Variants in ADAM32 observed in about 807,000 individuals in gnomAD.
The protein encoded by ADAM32 is disintegrin and metalloproteinase domain-containing protein 32.
A neutral mutation model predicts 114.9 loss-of-function variants in ADAM32; 89 were observed. That is an observed-to-expected ratio of 0.77 (90% CI 0.65 to 0.92). The LOEUF (loss-of-function observed/expected upper bound fraction) is 0.92. Among genes scored for constraint, ADAM32 ranks in the 40% least tolerant of loss-of-function variants. ADAM32 has a pLI of 0.00. For synonymous variants in ADAM32, 285 were observed against 307.5 expected (o/e 0.93, Z 0.77); for missense variants, 870 against 932.8 (o/e 0.93, Z 0.88).
chr8:39,129,725 A>G (rs1350550004), intron 2 of ADAM32, among the ~76,000 whole-genome samples: 2 of 152,152 alleles, frequency 1.3e-5, no homozygotes, highest in African/African-American at 2.4e-5. Context: ...CTATATTTTG[A>G]AAGAATTGTG....
chr8:39,143,482 T>C (rs1364181825), intron 3 of ADAM32, among the ~76,000 whole-genome samples: 1 of 152,124 alleles, frequency 6.6e-6, no homozygotes, highest in Non-Finnish European at 1.5e-5. Context: ...TGCAGGTCTG[T>C]TGGAGTTTGC....
chr8:39,266,027 T>C (rs1812327507), intron 19 of ADAM32, among the ~76,000 whole-genome samples: 1 of 152,210 alleles, frequency 6.6e-6, no homozygotes, highest in Admixed American at 6.5e-5. Flanking sequence ...CTGCAGAAAA[T>C]TCTGCTGCTA....
At chr8:39,189,951 A>ACTATAGG (rs1806499623) in intron 11 of ADAM32, among the ~76,000 whole-genome samples, 1 of 152,118 alleles carries the variant, frequency 6.6e-6, no homozygotes, top group South Asian at 2.1e-4. Context: ...AGCAGCTGGA[A>ACTATAGG]CTATAGGCGC....
chr8:39,279,680 C>G (rs545425594), intron 22 of ADAM32, among the ~76,000 whole-genome samples: 2 of 152,100 alleles, frequency 1.3e-5, no homozygotes. Context: ...CCAAATCCTC[C>G]GTTTTCTTAA....
At chr8:39,254,603 C>A in intron 18 of ADAM32, 87 bp downstream of exon 18, 1 of 932,892 alleles carries the variant, frequency 1.1e-6, no homozygotes, top group Non-Finnish European at 1.6e-6. Context: ...TTTCCACTTA[C>A]AAGGCAACTG....
At chr8:39,265,083 A>AAGTCTCCCACTGAAAT (rs1245332402) in intron 19 of ADAM32, among the ~76,000 whole-genome samples, 2 of 152,150 alleles carry the variant, frequency 1.3e-5, no homozygotes, top group Non-Finnish European at 2.9e-5. Context: ...GGGGGTGTTG[A>AAGTCTCCCACTGAAAT]AGTCTCCCAC....
At chr8:39,284,660 TA>T in intron 24 of ADAM32, 132 bp from the exon 25 acceptor site, 3 of 944,356 alleles carry the variant, frequency 3.2e-6, no homozygotes, top group Non-Finnish European at 4.8e-6. Context: ...GGCAAAATTG[TA>T]AACATCCTTT....
At chr8:39,256,789 T>A (rs1811672258) in intron 18 of ADAM32, among the ~76,000 whole-genome samples, 1 of 151,976 alleles carries the variant, frequency 6.6e-6, no homozygotes, top group South Asian at 2.1e-4. Flanking sequence ...AAGCCAACAA[T>A]CTACCAAAGA....
At chr8:39,118,489 C>A (rs34494323) in intron 2 of ADAM32, among the ~76,000 whole-genome samples, 37,988 of 151,972 alleles carry the variant, frequency 0.25, 4,763 homozygotes, top group Middle Eastern at 0.31. Context: ...AAGACAATTT[C>A]TTTTAACTAA....
intron 19 of ADAM32, among the ~76,000 whole-genome samples, chr8:39,266,946 T>A (rs12682638): frequency 6.6e-6 from 1 of 152,092 alleles, no homozygotes; most frequent in Non-Finnish European, 1.5e-5. Context: ...TCCTGGGGTA[T>A]GTGCTCTATC....
chr8:39,197,667 G>T (rs1476926367), intron 11 of ADAM32, among the ~76,000 whole-genome samples: 1 of 151,934 alleles, frequency 6.6e-6, no homozygotes, highest in Non-Finnish European at 1.5e-5. Context: ...ATTTCATATG[G>T]TCTAAGAAGG....
rs747648371 is a variant in ADAM32 at position 39,223,156 on chromosome 8, T to TC, written c.1443_1444insC (p.Ser482LeufsTer5). 12 of 1,600,284 alleles carry TC rather than the reference T, an allele frequency of 7.5e-6. No individual in the cohort carries two copies. The highest frequency in any genetic ancestry group is 8.5e-7 in the Non-Finnish European group (1 of 1,173,646). On this transcript the variant is annotated frameshift_variant, in exon 14 of 25. Transcript: ENST00000379907. LOFTEE classifies it high-confidence loss of function. Reference sequence around the variant, plus strand: ...CTGACATAACTTTAATCAATGGACTTTCATGCAAAAATAATAAGTTTATTT... The same window carrying TC: ...CTGACATAACTTTAATCAATGGACTTCTCATGCAAAAATAATAAGTTTATTT...
chr8:39,228,155 C>T (rs1238918752), intron 14 of ADAM32, among the ~76,000 whole-genome samples: 2 of 152,164 alleles, frequency 1.3e-5, no homozygotes, highest in Non-Finnish European at 2.9e-5. Context: ...AGGGAACACC[C>T]CATGGGACAA....
At chr8:39,271,663 A>G (rs1485211018) in intron 20 of ADAM32, among the ~76,000 whole-genome samples, 2 of 152,184 alleles carry the variant, frequency 1.3e-5, no homozygotes, top group Non-Finnish European at 2.9e-5. Flanking sequence ...CACTGAGAAT[A>G]CAACATAAAC....
chr8:39,161,862 T>A (rs1270315286), intron 7 of ADAM32, among the ~76,000 whole-genome samples: 2 of 152,052 alleles, frequency 1.3e-5, no homozygotes, highest in African/African-American at 4.8e-5. Context: ...AAAATTGAAG[T>A]ATTTCTGATA....
At chr8:39,243,988 C>G (rs1282930383) in intron 16 of ADAM32, among the ~76,000 whole-genome samples, 2 of 152,164 alleles carry the variant, frequency 1.3e-5, no homozygotes, top group African/African-American at 4.8e-5. Context: ...TATACACCAA[C>G]AGTGGCCAAG....
At chr8:39,164,006 TTG>T (rs1411922097) in intron 7 of ADAM32, among the ~76,000 whole-genome samples, 1 of 152,164 alleles carries the variant, frequency 6.6e-6, no homozygotes, top group African/African-American at 2.4e-5. Context: ...ACACACTCAT[TTG>T]TGTGTGTGCA....
chr8:39,108,025 T>A (rs1282675965), intron 1 of ADAM32, 192 bp downstream of exon 1: 8 of 716,496 alleles, frequency 1.1e-5, no homozygotes, highest in Non-Finnish European at 4.2e-6. Flanking sequence ...GGCTCACGCC[T>A]GTAATCCCAG....
intron 1 of ADAM32, among the ~76,000 whole-genome samples, chr8:39,111,788 G>A (rs1840173432): frequency 6.6e-6 from 1 of 150,764 alleles, no homozygotes; most frequent in Admixed American, 6.6e-5. Flanking sequence ...ATCCGATGGA[G>A]TGGCAGTGAC....
Sources: allele counts gnomAD v4.1 joint callset (sites outside exome capture counted in the v4.1 genomes callset), GRCh38; gene constraint gnomAD v4.1.1; transcripts MANE v1.5; gene names NCBI Gene and HGNC (gene_info 2026-07-23, HGNC 2026-07-21).